Variants in SCN10A observed in about 807,000 individuals in gnomAD.
SCN10A encodes the protein sodium voltage-gated channel alpha subunit 10.
Under a neutral mutation model 170.7 loss-of-function variants are expected in SCN10A, and 162 were observed. That is an observed-to-expected ratio of 0.95 (90% CI 0.84 to 1.08). The LOEUF (loss-of-function observed/expected upper bound fraction) is 1.08, where lower values mean the gene tolerates loss of function less well. Ranked by LOEUF, SCN10A falls within the 50% of genes least tolerant of loss-of-function variation. The probability of loss-of-function intolerance (pLI) is 0.00; values close to 1 mark genes in which losing one functional copy is unlikely to be tolerated. For synonymous variants in SCN10A, 985 were observed against 904.6 expected (o/e 1.09, Z -1.59); for missense variants, 2,527 against 2,436.9 (o/e 1.04, Z -0.78).
Position 38,752,425 on chromosome 3 carries a change from G to A in SCN10A, c.1549C>T (p.Pro517Ser), listed in dbSNP as rs2063758700. 7 of 1,613,578 alleles carry A rather than the reference G, an allele frequency of 4.3e-6. No homozygotes were observed. In the East Asian group the frequency reaches 1.3e-4, roughly 31 times the overall value. The part of the protein sequence containing the change: ...FRSPGRDISL[P>S]EGVTDDGVFP... ...ACTCCATCATCTGTGACTCCCTCAG[G>A]GAGTGAGATATCTCGGCCAGGGGAC... The change falls in exon 12 of 28, where the codon CCT becomes TCT. Residue 517 changes from proline (P) to serine (S), a missense_variant. Coordinates refer to ENST00000449082, the MANE Select transcript of SCN10A (RefSeq NM_006514.4).
intron 4 of SCN10A, among the ~76,000 whole-genome samples, chr3:38,772,044 CTG>C (rs1307840768): frequency 7.2e-5 from 11 of 152,290 alleles, no homozygotes; most frequent in Admixed American, 3.9e-4. Flanking sequence ...CAATGAGAAA[CTG>C]TTTCTGCTCC....
chr3:38,699,986 T>G (rs1427276817), intron 27 of SCN10A, among the ~76,000 whole-genome samples: 7 of 152,166 alleles, frequency 4.6e-5, no homozygotes, highest in Non-Finnish European at 2.9e-5. Context: ...AGTTAAGATA[T>G]CCCCATCATA....
rs557296011 is a variant in SCN10A, at chr3:38,775,062, TA to T, written c.471-3656del. Among the ~76,000 whole-genome samples, 95 of 152,144 alleles carry T rather than the reference TA, an allele frequency of 6.2e-4. 2 individuals carry two copies. The South Asian group carries it at 0.017, about 28-fold the overall frequency. On this transcript the variant is annotated intron_variant, in intron 4 of 27. Coordinates refer to ENST00000449082, the MANE Select transcript of SCN10A (RefSeq NM_006514.4). Reference sequence around the variant, plus strand: ...TGGCAATTTAACACCTTTCCTCTTTTAAAAAAAAGTTTTGGTAAAATATGCA... The same window carrying T: ...TGGCAATTTAACACCTTTCCTCTTTTAAAAAAAGTTTTGGTAAAATATGCA...
intron 12 of SCN10A, 103 bp downstream of exon 12, chr3:38,752,116 A>G: frequency 9.4e-7 from 1 of 1,066,258 alleles, no homozygotes; most frequent in Non-Finnish European, 1.3e-6. Flanking sequence ...ATTGGACAGG[A>G]TGATGGCTAA....
Position 38,784,979 on chromosome 3 carries a change from G to A in SCN10A, c.470+3977C>T, listed in dbSNP as rs147080011. 3.4e-3 allele frequency among the ~76,000 whole-genome samples: 517 copies of A among 152,156 alleles called. 3 individuals are homozygous for A. The highest frequency in any genetic ancestry group is 0.017 in the Middle Eastern group (5 of 294). On this transcript the variant is annotated intron_variant, in intron 4 of 27. Transcript: ENST00000449082. The stretch of plus-strand genomic sequence containing the variant: ...TAAAAATCACTGCTCAAGGAAATAA[G>A]AGAGGACACAAATAAATGGAAAAAC...
intron 4 of SCN10A, among the ~76,000 whole-genome samples, chr3:38,775,904 T>G (rs909851172): frequency 1.3e-5 from 2 of 152,124 alleles, no homozygotes; most frequent in Admixed American, 6.5e-5. Context: ...ATTTTTGATA[T>G]GAGGATGAAT....
At chr3:38,811,890 G>T (rs1202810421) in intron 1 of SCN10A, among the ~76,000 whole-genome samples, 1 of 152,190 alleles carries the variant, frequency 6.6e-6, no homozygotes, top group Non-Finnish European at 1.5e-5. Context: ...ACAGTGAGGT[G>T]TCTGACCAGT....
rs1307130856 is a variant in SCN10A at position 38,752,523 on chromosome 3, C to T, written c.1462-11G>A. ...GAGGCCTAGAAAAGACTGGGCATTG[C>T]CCCAAAGGAGCAAGAAGGCTGGAAA... On this transcript the variant is annotated splice_polypyrimidine_tract_variant and intron_variant, in intron 11 of 27. Coordinates refer to ENST00000449082, the MANE Select transcript of SCN10A (RefSeq NM_006514.4). 6.5e-6 allele frequency: 10 copies of T among 1,539,250 alleles called. No individual in the cohort carries two copies. In the South Asian group the frequency reaches 1.3e-4, roughly 20 times the overall value.
chr3:38,752,353 C>A lies in SCN10A; in HGVS notation c.1621G>T (p.Gly541Trp), dbSNP rs1315864029. Residue 541 changes from glycine to tryptophan, a missense_variant, in exon 12 of 28, where the codon GGG (glycine) becomes TGG (tryptophan). Gly to Trp is a radical substitution (Grantham distance 184, BLOSUM62 -2). Coordinates refer to ENST00000449082, the MANE Select transcript of SCN10A (RefSeq NM_006514.4). ...AGGGGGCCTTGCTGGCCAGCACCCC[C>A]ACCCAGCAGCAGAGAGCCCCGATGG... ...ESHRGSLLLG[G>W]GAGQQGPLPR... 6.2e-7 allele frequency: 1 copy of A among 1,613,824 alleles called. No individual in the cohort carries two copies. Among genetic ancestry groups the A allele is most frequent in the Non-Finnish European group, 8.5e-7 (1 of 1,179,872 alleles).
Position 38,728,684 on chromosome 3 carries a change from T to C in SCN10A, c.2498A>G (p.His833Arg). The C allele has an allele frequency of 6.2e-7, 1 of 1,614,228 alleles. No individual in the cohort carries two copies. Among genetic ancestry groups the C allele is most frequent in the Non-Finnish European group, 8.5e-7 (1 of 1,180,034 alleles). ...PHEDWPRWHM[H>R]DFFHSFLIVF... is the part of the protein sequence containing the mutation. ...AATGAGGAAAGAGTGGAAGAAGTCGTGCATGTGCCAGCGGGGCCAGTCTTC... is the reference window on the plus strand; with the variant it reads ...AATGAGGAAAGAGTGGAAGAAGTCGCGCATGTGCCAGCGGGGCCAGTCTTC... Residue 833 changes from histidine to arginine, a missense_variant, in exon 16 of 28, where the codon CAC (histidine) becomes CGC (arginine). By Grantham distance (29) the His-to-Arg change is conservative (BLOSUM62 0). Transcript: ENST00000449082.
chr3:38,713,316 G>T (rs1429359856), intron 22 of SCN10A, among the ~76,000 whole-genome samples: 2 of 152,198 alleles, frequency 1.3e-5, no homozygotes, highest in African/African-American at 2.4e-5. Flanking sequence ...CACTCATGGA[G>T]TATTAGAGGA....
At chr3:38,722,647 A>G (rs1191803634) in intron 19 of SCN10A, among the ~76,000 whole-genome samples, 1 of 152,020 alleles carries the variant, frequency 6.6e-6, no homozygotes, top group Non-Finnish European at 1.5e-5. Context: ...TCCTAGCCAT[A>G]TCCTTCTTAC....
chr3:38,813,633 C>A (rs542730987), intron 1 of SCN10A, among the ~76,000 whole-genome samples: 37 of 152,264 alleles, frequency 2.4e-4, no homozygotes, highest in Admixed American at 1.0e-3. Context: ...CTGGCCATGG[C>A]CACTCTGACT....
chr3:38,720,992 C>A (rs891110358), intron 20 of SCN10A, among the ~76,000 whole-genome samples: 2 of 152,162 alleles, frequency 1.3e-5, no homozygotes, highest in Non-Finnish European at 2.9e-5. Context: ...CACCTGCAGC[C>A]GCTGTCACAC....
intron 4 of SCN10A, among the ~76,000 whole-genome samples, chr3:38,773,681 C>T (rs1328260918): frequency 6.6e-6 from 1 of 152,180 alleles, no homozygotes; most frequent in Admixed American, 6.5e-5. Flanking sequence ...TCAAAGTACA[C>T]TGCATGACAC....
chr3:38,787,092 G>A (rs1437592201), intron 4 of SCN10A, among the ~76,000 whole-genome samples: 1 of 152,082 alleles, frequency 6.6e-6, no homozygotes, highest in East Asian at 1.9e-4. Context: ...ATATTGATTT[G>A]AGGATCATAT....
intron 1 of SCN10A, among the ~76,000 whole-genome samples, chr3:38,811,682 G>A (rs1035172823): frequency 7.2e-5 from 11 of 152,254 alleles, no homozygotes; most frequent in African/African-American, 2.6e-4. Context: ...CCAACCAACA[G>A]TTGCAGAATT....
In SCN10A at chr3:38,697,386, T is replaced by C. The variant is rs372702302; in HGVS notation, c.5834A>G (p.Glu1945Gly). The C allele has an allele frequency of 4.3e-4, 694 of 1,614,182 alleles. 8 individuals are homozygous for C. The South Asian group carries it at 7.3e-3, about 17-fold the overall frequency. Reference sequence around the variant, plus strand: ...GGCAATCAGCTCCATACTGGTGGCTTCATCTTCATTTTGTATTGAGCTAGA... The same window carrying C: ...GGCAATCAGCTCCATACTGGTGGCTCCATCTTCATTTTGTATTGAGCTAGA... ...RTSSSIQNED[E>G]ATSMELIAPG... The change falls in exon 28 of 28, where the codon GAA becomes GGA. Residue 1945 changes from glutamate to glycine, a missense_variant. By Grantham distance (98) the Glu-to-Gly change is moderately conservative. Coordinates refer to ENST00000449082, the MANE Select transcript of SCN10A (RefSeq NM_006514.4).
chr3:38,722,850 T>G (rs1311025149), intron 19 of SCN10A, among the ~76,000 whole-genome samples: 1 of 152,204 alleles, frequency 6.6e-6, no homozygotes, highest in Non-Finnish European at 1.5e-5. Context: ...AAACTATTAA[T>G]AAAAACTCAA....
Sources: gnomAD v4.1 joint callset for allele counts (sites outside exome capture counted in the v4.1 genomes callset) on GRCh38, gnomAD v4.1.1 for gene constraint, MANE v1.5 for transcripts, NCBI Gene and HGNC (gene_info 2026-07-23, HGNC 2026-07-21) for gene names.